The following GNG2 variants were observed in gnomAD, a reference collection of about 807,000 sequenced individuals.
GNG2 encodes the protein G protein subunit gamma 2.
GNG2 carries 5 observed loss-of-function variants against 5.5 expected under a neutral mutation model. The ratio of observed to expected loss-of-function variants is 0.91; its 90% CI spans 0.48 to 1.92. The LOEUF is 1.92. GNG2 is among the 30% of genes most tolerant of loss of function. The pLI, the probability that GNG2 is intolerant of heterozygous loss-of-function variation, is 0.01. For synonymous variants in GNG2, 28 were observed against 32.0 expected, an observed-to-expected ratio of 0.88 and a Z score of 0.42; for missense variants, 55 against 88.4, an observed-to-expected ratio of 0.62 and a Z score of 1.52.
At chr14:51,932,430 G>A (rs1006684866) in intron 2 of GNG2, among the ~76,000 whole-genome samples, 1 of 152,034 alleles carries the variant, frequency 6.6e-6, no homozygotes, top group African/African-American at 2.4e-5. Flanking sequence ...ACTTTTATGA[G>A]TTATCTAAAA....
intron 1 of GNG2, among the ~76,000 whole-genome samples, chr14:51,874,241 C>T (rs540873908): frequency 3.2e-4 from 49 of 151,980 alleles, no homozygotes; most frequent in South Asian, 1.5e-3. Context: ...TCCTGGCTAA[C>T]GGTGAAACCC....
intron 1 of GNG2, among the ~76,000 whole-genome samples, chr14:51,870,443 C>A (rs919082269): frequency 7.9e-5 from 12 of 152,172 alleles, no homozygotes; most frequent in African/African-American, 2.7e-4. Flanking sequence ...ACCAGCCCTG[C>A]ATTTCTGCAT....
Position 51,874,424 on chromosome 14 carries a change from C to CAA in GNG2, c.-70-3176_-70-3175dup, listed in dbSNP as rs71121671. On this transcript the variant is annotated intron_variant, in intron 1 of 3. Transcript: ENST00000556766. ...TGGGTGACAGAGCGAGACTCTGTCT[C>CAA]AAAAAAAAAAAAAAAAAACAGTCTG... 4.7e-3 allele frequency among the ~76,000 whole-genome samples: 446 copies of CAA among 95,610 alleles called. 6 individuals carry two copies. Among genetic ancestry groups the CAA allele is most frequent in the African/African-American group, 7.6e-3 (201 of 26,546 alleles). 62.7% of individuals were successfully genotyped at this position (95,610 alleles called of 152,430 possible).
chr14:51,914,931 C>A lies in GNG2; in HGVS notation c.-29-35719C>A, dbSNP rs567210265. On this transcript the variant is annotated intron_variant, in intron 2 of 3. Transcript: ENST00000556766. Reference sequence around the variant, plus strand: ...GATGATACATGCCCTGCCATCATGCCTTTCTGTCATGTACACTGTCATCAG... The same window carrying A: ...GATGATACATGCCCTGCCATCATGCATTTCTGTCATGTACACTGTCATCAG... Among the ~76,000 whole-genome samples the A allele has an allele frequency of 1.4e-4, 22 of 152,336 alleles. 1 individual carries two copies. The East Asian group carries it at 1.9e-3, about 13-fold the overall frequency.
rs117148505 is a variant in GNG2 at position 51,940,685 on chromosome 14, C to A, written c.-29-9965C>A. 4.0e-3 allele frequency among the ~76,000 whole-genome samples: 612 copies of A among 152,250 alleles called. 2 individuals are homozygous for A. Among genetic ancestry groups the A allele is most frequent in the Middle Eastern group, 6.8e-3 (2 of 294 alleles). ...GGGCTTGTAAGAGTTGAGAGAAAAG[C>A]AGTAAGTGTCCCAATAAATCTTTAT... On this transcript the variant is annotated intron_variant, in intron 2 of 3. Coordinates refer to ENST00000556766, the MANE Select transcript of GNG2 (RefSeq NM_053064.5).
At chr14:51,860,500 A>C (rs566164677), upstream of GNG2, 1 of 152,588 alleles carries the variant, frequency 6.6e-6, no homozygotes, top group Admixed American at 6.5e-5. Flanking sequence ...TGAAATGGAA[A>C]TGAGAGGGAA....
At chr14:51,965,930 C>T (rs151183196) in intron 3 of GNG2, among the ~76,000 whole-genome samples, 348 of 152,034 alleles carry the variant, frequency 2.3e-3, no homozygotes, top group Middle Eastern at 0.014. Flanking sequence ...GAAGGAGGGC[C>T]GGGCACAGTG....
intron 1 of GNG2, among the ~76,000 whole-genome samples, chr14:51,863,576 G>A (rs972021578): frequency 1.3e-5 from 2 of 152,108 alleles, no homozygotes; most frequent in African/African-American, 4.8e-5. Flanking sequence ...TAAGTATGCA[G>A]TTCTGTGGTA....
chr14:51,934,477 A>G (rs147855399), intron 2 of GNG2, among the ~76,000 whole-genome samples: 1 of 152,282 alleles, frequency 6.6e-6, no homozygotes, highest in East Asian at 1.9e-4. Context: ...TAAAACTACA[A>G]TCGGCCTCTT....
chr14:51,908,411 G>A (rs1376912622), intron 2 of GNG2, among the ~76,000 whole-genome samples: 2 of 152,156 alleles, frequency 1.3e-5, no homozygotes, highest in Non-Finnish European at 2.9e-5. Flanking sequence ...GCTACCACAG[G>A]CCCAAATGCC....
At chr14:51,833,555 G>T (rs1364320983) in intron 2 of GNG2, among the ~76,000 whole-genome samples, 1 of 152,178 alleles carries the variant, frequency 6.6e-6, no homozygotes, top group African/African-American at 2.4e-5. Context: ...GAGAAGTCCA[G>T]ATGCCTCTTC....
intron 1 of GNG2, among the ~76,000 whole-genome samples, chr14:51,867,175 C>G (rs1004314877): frequency 3.9e-5 from 6 of 152,296 alleles, no homozygotes; most frequent in African/African-American, 9.6e-5. Context: ...TGAGTGTTCT[C>G]AAGATACGAG....
intron 2 of GNG2, among the ~76,000 whole-genome samples, chr14:51,834,081 C>A (rs916882776): frequency 6.6e-6 from 1 of 152,160 alleles, no homozygotes; most frequent in Non-Finnish European, 1.5e-5. Context: ...CAAAGGCAGA[C>A]AAAATGATTG....
At chr14:51,932,323 A>T (rs1265779051) in intron 2 of GNG2, among the ~76,000 whole-genome samples, 1 of 152,022 alleles carries the variant, frequency 6.6e-6, no homozygotes, top group Non-Finnish European at 1.5e-5. Flanking sequence ...CCTAAAAAGA[A>T]GGAAATCCTC....
At chr14:51,955,714 G>A (rs1048317418) in intron 3 of GNG2, among the ~76,000 whole-genome samples, 2 of 152,142 alleles carry the variant, frequency 1.3e-5, no homozygotes, top group African/African-American at 4.8e-5. Flanking sequence ...TAAAAGGATG[G>A]AATTAGTCAT....
chr14:51,897,959 C>T (rs1566672508), intron 2 of GNG2, among the ~76,000 whole-genome samples: 3 of 152,212 alleles, frequency 2.0e-5, no homozygotes, highest in Admixed American at 1.3e-4. Context: ...GCTCTATCAG[C>T]AGAGAAACCC....
chr14:51,890,079 G>A (rs1374051674), intron 2 of GNG2, among the ~76,000 whole-genome samples: 1 of 152,196 alleles, frequency 6.6e-6, no homozygotes, highest in Non-Finnish European at 1.5e-5. Flanking sequence ...ATCAAAATGA[G>A]TAGTGATTCA....
At chr14:51,870,181 A>T (rs887774107) in intron 1 of GNG2, among the ~76,000 whole-genome samples, 1 of 152,256 alleles carries the variant, frequency 6.6e-6, no homozygotes, top group East Asian at 1.9e-4. Flanking sequence ...AAAAACACGA[A>T]CAAAAGCCTT....
In GNG2 at chr14:51,968,658, A is replaced by G. The variant is rs1319688556; in HGVS notation, c.*1971A>G. On this transcript the variant is annotated 3_prime_UTR_variant, in exon 4 of 4. Transcript: ENST00000556766. ...TTAGGGGTGAAAAAAACAGCAGAGT[A>G]TTTATTAAACTACAGCATTGTACAA... 6.6e-6 allele frequency: 1 copy of G among 151,836 alleles called. No homozygotes were observed. Among genetic ancestry groups the G allele is most frequent in the African/African-American group, 2.4e-5 (1 of 41,088 alleles). 9.4% of individuals were successfully genotyped at this position (151,836 alleles called of 1,614,324 possible).
Sources: gnomAD v4.1 joint callset for allele counts (sites outside exome capture counted in the v4.1 genomes callset) on GRCh38, gnomAD v4.1.1 for gene constraint, MANE v1.5 for transcripts, NCBI Gene and HGNC (gene_info 2026-07-23, HGNC 2026-07-21) for gene names.